The following PTBP2 variants were observed in gnomAD, a reference collection of about 807,000 sequenced individuals.
The protein encoded by PTBP2 is polypyrimidine tract binding protein 2.
In PTBP2, 13 loss-of-function variants were observed where a neutral mutation model predicts 61.4. That is an observed-to-expected ratio of 0.21 (90% confidence interval 0.14 to 0.34). The LOEUF (loss-of-function observed/expected upper bound fraction) is 0.34. Ranked by LOEUF, PTBP2 falls within the 10% of genes least tolerant of loss-of-function variation. The pLI is 1.00. For synonymous variants in PTBP2, 215 were observed against 218.5 expected (o/e 0.98, Z 0.14); for missense variants, 405 against 642.6 (o/e 0.63, Z 4.00).
At chr1:96,815,318 A>G (rs1266062643), downstream of PTBP2, 2 of 151,958 alleles carry the variant, frequency 1.3e-5, no homozygotes, top group African/African-American at 2.4e-5. Flanking sequence ...ATCTTAGACT[A>G]CCTTGTGAGT....
intron 2 of PTBP2, among the ~76,000 whole-genome samples, chr1:96,728,162 T>A (rs1048585553): frequency 3.0e-4 from 46 of 152,108 alleles, no homozygotes; most frequent in African/African-American, 1.0e-3. Context: ...AACTTTTAAA[T>A]TTTTTATAGA....
rs563241972 is a variant in PTBP2 at position 96,773,123 on chromosome 1, CAAAAAAAA to C, written c.432+2288_432+2295del. Among the ~76,000 whole-genome samples the C allele has an allele frequency of 1.7e-4, 15 of 88,266 alleles. No individual in the cohort carries two copies. In the East Asian group the frequency reaches 4.1e-3, roughly 24 times the overall value. The allele number at this position is 88,266 out of a possible 152,430, so 57.9% of individuals were successfully genotyped here. A position where few individuals can be genotyped will look rare whatever the true frequency, so the allele number is the denominator to read the frequency against. Reference sequence around the variant, plus strand: ...TGGGTGACAGAGCGAGACTCTATCTCAAAAAAAAAAAAAAAAAAAAAAAGAGTAAAGCT... The same window carrying C: ...TGGGTGACAGAGCGAGACTCTATCTCAAAAAAAAAAAAAAAGAGTAAAGCT... On this transcript the variant is annotated intron_variant, in intron 5 of 13. Coordinates refer to ENST00000674951, the MANE Select transcript of PTBP2 (RefSeq NM_021190.4).
Position 96,759,470 on chromosome 1 carries a change from C to T in PTBP2, c.115+7970C>T, listed in dbSNP as rs959761119. ...CTCAGTGAAGAAAGAGAAGGCCTTTCAACAGATGTGCTAGAACAGCTGAAT... is the reference window on the plus strand; with the variant it reads ...CTCAGTGAAGAAAGAGAAGGCCTTTTAACAGATGTGCTAGAACAGCTGAAT... On this transcript the variant is annotated intron_variant, in intron 3 of 13. Transcript: ENST00000674951. Among the ~76,000 whole-genome samples the T allele has an allele frequency of 2.0e-5, 3 of 152,194 alleles. No individual in the cohort carries two copies. In the East Asian group the frequency reaches 5.8e-4, roughly 29 times the overall value.
intron 2 of PTBP2, among the ~76,000 whole-genome samples, chr1:96,734,898 T>C (rs533329742): frequency 2.7e-4 from 38 of 139,694 alleles, no homozygotes; most frequent in African/African-American, 8.6e-4. Context: ...GTCTCCTTTT[T>C]TTTTCTTTTT....
At chr1:96,801,703 A>T (rs1161805511) in intron 8 of PTBP2, among the ~76,000 whole-genome samples, 1 of 151,678 alleles carries the variant, frequency 6.6e-6, no homozygotes, top group African/African-American at 2.4e-5. Context: ...TCTACTAAAA[A>T]TACAAAAATT....
chr1:96,804,861 T>A lies in PTBP2; in HGVS notation c.966T>A (p.Ala322=), dbSNP rs1459609926. The change falls in exon 9 of 14, where the codon GCT becomes GCA. Residue 322 remains alanine (A), a synonymous_variant. Coordinates refer to ENST00000674951, the MANE Select transcript of PTBP2 (RefSeq NM_021190.4). The stretch of plus-strand genomic sequence containing the variant: ...ATGCTGCTGCAGCAGCTGCTGCAGC[T>A]GCTGCTGGCCGAGTGGGTATGCCTG... ...IPNAAAAAAA[A]AAGRVGMPGV... The A allele has an allele frequency of 3.1e-6, 5 of 1,611,346 alleles. No homozygotes were observed. Among genetic ancestry groups the A allele is most frequent in the Admixed American group, 3.3e-5 (2 of 59,970 alleles).
At chr1:96,770,659 ATT>A (rs1384168892) in intron 4 of PTBP2, 47 bp from the exon 5 acceptor site, 1 of 1,460,746 alleles carries the variant, frequency 6.8e-7, no homozygotes, top group Non-Finnish European at 9.5e-7. Context: ...TTAGATATTA[ATT>A]TTATTTGAAT....
downstream of PTBP2, chr1:96,816,609 A>G (rs1662495378): frequency 6.6e-6 from 1 of 152,180 alleles, no homozygotes; most frequent in South Asian, 2.1e-4. Flanking sequence ...GAATCATTAT[A>G]TTAGAGATTA....
chr1:96,817,053 A>G (rs1196317339), downstream of PTBP2: 1 of 152,172 alleles, frequency 6.6e-6, no homozygotes, highest in African/African-American at 2.4e-5. Context: ...ATGAAAAGAA[A>G]CCATGGATTT....
intron 3 of PTBP2, among the ~76,000 whole-genome samples, chr1:96,754,031 T>G (rs1223641002): frequency 3.3e-5 from 5 of 152,070 alleles, no homozygotes; most frequent in African/African-American, 7.2e-5. Flanking sequence ...ATAAAATATA[T>G]CAACTTACAT....
chr1:96,822,800 C>T (rs1468342075), exon 14 of PTBP2: 4 of 152,114 alleles, frequency 2.6e-5, no homozygotes, highest in African/African-American at 2.4e-5. Context: ...CATGGCCATG[C>T]CTCTCTGTGT....
chr1:96,813,130 A>G (rs1662234258), intron 13 of PTBP2, 24 bp downstream of exon 13: 1 of 1,585,074 alleles, frequency 6.3e-7, no homozygotes, highest in Non-Finnish European at 8.6e-7. Flanking sequence ...CTTATCTTTA[A>G]ATTAGTGACC....
At chr1:96,750,211 G>A (rs1162682464) in intron 2 of PTBP2, among the ~76,000 whole-genome samples, 1 of 151,830 alleles carries the variant, frequency 6.6e-6, no homozygotes, top group East Asian at 1.9e-4. Context: ...AATGATTAGA[G>A]TATTCAATTA....
intron 3 of PTBP2, among the ~76,000 whole-genome samples, chr1:96,752,206 G>A (rs1570790026): frequency 1.3e-5 from 2 of 151,496 alleles, no homozygotes; most frequent in East Asian, 3.9e-4. Context: ...CATCTGAATG[G>A]GCCAAATTTT....
intron 3 of PTBP2, among the ~76,000 whole-genome samples, chr1:96,762,427 A>G (rs867747712): frequency 0.14 from 15,495 of 106,922 alleles, 1,037 homozygotes; most frequent in Middle Eastern, 0.21. Context: ...CGGATGGGGC[A>G]GCTGGCCGGG....
In PTBP2 at chr1:96,813,584, C is replaced by G; in HGVS notation, c.*179C>G. On this transcript the variant is annotated 3_prime_UTR_variant, in exon 14 of 14. Transcript: ENST00000674951. ...TAAAATGAAATGGCATATGTAAAGG[C>G]AGAGTTGTTAACTGCTATATTTCAT... 2.0e-6 allele frequency: 1 copy of G among 495,814 alleles called. No individual in the cohort carries two copies. The highest frequency in any genetic ancestry group is 3.6e-5 in the East Asian group (1 of 28,086). The allele number at this position is 495,814 out of a possible 1,614,324, so 30.7% of individuals were successfully genotyped here.
At chr1:96,743,156 G>A (rs1653278396) in intron 2 of PTBP2, among the ~76,000 whole-genome samples, 1 of 151,890 alleles carries the variant, frequency 6.6e-6, no homozygotes, top group Non-Finnish European at 1.5e-5. Context: ...GCGTGGTGGG[G>A]GGCACCTGTA....
At chr1:96,770,556 C>A in intron 4 of PTBP2, 152 bp from the exon 5 acceptor site, 1 of 743,946 alleles carries the variant, frequency 1.3e-6, no homozygotes, top group Non-Finnish European at 2.1e-6. Flanking sequence ...TAAACTTCAA[C>A]AAGAGATTTC....
chr1:96,770,761 T>C lies in PTBP2; in HGVS notation c.342T>C (p.Tyr114=). Residue 114 remains tyrosine, a synonymous_variant, in exon 5 of 14, where the codon TAT becomes TAC. Transcript: ENST00000674951. ...CAGCTATTACTATGGTTAATTACTATTCTGCTGTGACACCTCATCTTCGTA... is the reference window on the plus strand; with the variant it reads ...CAGCTATTACTATGGTTAATTACTACTCTGCTGTGACACCTCATCTTCGTA... The part of the protein sequence containing the change: ...EEAAITMVNY[Y]SAVTPHLRNQ... 6.2e-7 allele frequency: 1 copy of C among 1,610,928 alleles called. No individual in the cohort carries two copies. Among genetic ancestry groups the C allele is most frequent in the Non-Finnish European group, 8.5e-7 (1 of 1,177,252 alleles).
Sources: gnomAD v4.1 joint callset for allele counts (sites outside exome capture counted in the v4.1 genomes callset) on GRCh38, gnomAD v4.1.1 for gene constraint, MANE v1.5 for transcripts, NCBI Gene and HGNC (gene_info 2026-07-23, HGNC 2026-07-21) for gene names.